Variants in TRAPPC10 observed in about 807,000 individuals in gnomAD.
TRAPPC10 encodes the protein TRAPP 130 kDa subunit.
TRAPPC10 carries 23 observed loss-of-function variants against 125.5 expected under a neutral mutation model. The ratio of observed to expected loss-of-function variants is 0.18; its 90% confidence interval spans 0.13 to 0.26. The LOEUF (loss-of-function observed/expected upper bound fraction) is 0.26, where lower values mean the gene tolerates loss of function less well. TRAPPC10 is among the 10% of genes least tolerant of loss of function. The pLI, the probability that TRAPPC10 is intolerant of heterozygous loss-of-function variation, is 1.00. For missense variants in TRAPPC10, 1,123 were observed against 1,308.4 expected (o/e 0.86, Z 2.19); for synonymous variants, 509 against 518.0 (o/e 0.98, Z 0.24).
intron 9 of TRAPPC10, among the ~76,000 whole-genome samples, chr21:44,076,043 C>T (rs1049701784): frequency 2.4e-5 from 3 of 123,372 alleles, no homozygotes; most frequent in African/African-American, 1.5e-4. Flanking sequence ...GAGCAAAACT[C>T]TGTCAAAAAA....
intron 15 of TRAPPC10, among the ~76,000 whole-genome samples, chr21:44,084,483 G>T (rs2037989123): frequency 6.6e-6 from 1 of 152,144 alleles, no homozygotes; most frequent in African/African-American, 2.4e-5. Flanking sequence ...AATAAACATG[G>T]TGTATCTGAA....
chr21:44,046,886 A>G, intron 3 of TRAPPC10: 1 of 809,178 alleles, frequency 1.2e-6, no homozygotes, highest in South Asian at 1.3e-5. Context: ...TGTGTTGTAC[A>G]CAGCGGCAGT....
At chr21:44,080,878 TA>T (rs68122014) in intron 13 of TRAPPC10, among the ~76,000 whole-genome samples, 20,565 of 148,524 alleles carry the variant, frequency 0.14, 2,449 homozygotes, top group African/African-American at 0.33. Flanking sequence ...TTTTTTTTTT[TA>T]AAATGTAACA....
intron 13 of TRAPPC10, among the ~76,000 whole-genome samples, chr21:44,081,005 C>CTTTTTTTTTTTTTTTTTTTTTTT (rs71326026): frequency 5.8e-5 from 6 of 103,886 alleles, no homozygotes; most frequent in Admixed American, 2.0e-4. Context: ...TATTATTGTT[C>CTTTTTTTTTTTTTTTTTTTTTTT]TTTTTTTTTT....
At chr21:44,017,415 T>G (rs1056073107) in intron 1 of TRAPPC10, among the ~76,000 whole-genome samples, 12 of 152,022 alleles carry the variant, frequency 7.9e-5, no homozygotes, top group Admixed American at 7.9e-4. Flanking sequence ...ATAGTCAGTG[T>G]GCAAAAAAAG....
intron 1 of TRAPPC10, among the ~76,000 whole-genome samples, chr21:44,015,717 C>T (rs1292139323): frequency 2.6e-5 from 4 of 151,680 alleles, no homozygotes; most frequent in East Asian, 3.9e-4. Context: ...CGGGTTCAGT[C>T]GATTCTCCTG....
intron 20 of TRAPPC10, among the ~76,000 whole-genome samples, chr21:44,095,543 A>G (rs1014697565): frequency 4.1e-5 from 6 of 147,086 alleles, no homozygotes; most frequent in South Asian, 2.2e-4. Context: ...CGGCTAAAGT[A>G]TGGGTTTTTT....
rs1401394528 is a variant in TRAPPC10, at chr21:44,032,179, G to T, written c.149+7G>T. ...AACCAATGGAATGGAGAAGGTATGA[G>T]TTGTGTGTTTTTTGGCTGTATCCCT... On this transcript the variant is annotated splice_region_variant and intron_variant, in intron 2 of 22. Coordinates refer to ENST00000291574, the MANE Select transcript of TRAPPC10 (RefSeq NM_003274.5). 6.2e-7 allele frequency: 1 copy of T among 1,611,072 alleles called. No individual in the cohort carries two copies. The highest frequency in any genetic ancestry group is 8.5e-7 in the Non-Finnish European group (1 of 1,178,724).
chr21:44,012,480 G>T lies in TRAPPC10; in HGVS notation c.-14G>T. ...ATGGGGCGCGGGGGGCCGGGCCGGT[G>T]ACGCCGGACGCCCATGGACGCCTCT... is the stretch of plus-strand genomic sequence containing the variant. On this transcript the variant is annotated 5_prime_UTR_variant, in exon 1 of 23. An upstream open reading frame in the 5' UTR loses its in-frame stop. Transcript: ENST00000291574. 6.8e-7 allele frequency: 1 copy of T among 1,469,086 alleles called. No individual in the cohort carries two copies. The highest frequency in any genetic ancestry group is 9.1e-7 in the Non-Finnish European group (1 of 1,101,558). The allele number at this position is 1,469,086 out of a possible 1,614,324, so 91.0% of individuals were successfully genotyped here.
chr21:44,023,325 G>A (rs58821503), intron 1 of TRAPPC10, among the ~76,000 whole-genome samples: 4,809 of 152,116 alleles, frequency 0.032, 228 homozygotes, highest in African/African-American at 0.11. Context: ...GTGAGCCACC[G>A]CGCCCGGCCT....
In TRAPPC10 at chr21:44,083,349, GC is replaced by G. The variant is rs1569211429; in HGVS notation, c.2238+49del. The G allele has an allele frequency of 3.8e-6, 6 of 1,582,370 alleles. No individual in the cohort carries two copies. In the South Asian group the frequency reaches 5.7e-5, roughly 15 times the overall value. ...TTGACTTTCAAGTTTGTAAAGCAGG[GC>G]CGTGGAGCTTACAAGAACTGTCTGG... On this transcript the variant is annotated intron_variant, in intron 14 of 22. Transcript: ENST00000291574.
Position 44,063,246 on chromosome 21 carries a change from C to G in TRAPPC10, c.791-292C>G, listed in dbSNP as rs907014446. On this transcript the variant is annotated intron_variant, in intron 6 of 22. Coordinates refer to ENST00000291574, the MANE Select transcript of TRAPPC10 (RefSeq NM_003274.5). This position sits in a 1 kb window ranked among gnomAD's most constrained non-coding sequence, Gnocchi z 4.4. ...CGGCCTGAGACAGAGCCTGAGCTCC[C>G]CTAACCATGTAGCCTGTCTGTCTCT... The G allele has an allele frequency of 8.0e-6, 10 of 1,257,492 alleles. No individual in the cohort carries two copies. The African/African-American group carries it at 1.1e-4, about 14-fold the overall frequency. The allele number at this position is 1,257,492 out of a possible 1,614,324, so 77.9% of individuals were successfully genotyped here. A position where few individuals can be genotyped will look rare whatever the true frequency, so the allele number is the denominator to read the frequency against.
At chr21:44,095,485 A>G (rs9981485) in intron 20 of TRAPPC10, among the ~76,000 whole-genome samples, 52,741 of 151,598 alleles carry the variant, frequency 0.35, 12,712 homozygotes, top group African/African-American at 0.69. Context: ...TGATCCACCT[A>G]CCTTGGCCTC....
At position 44,059,632 on chromosome 21, in the gene TRAPPC10, T is replaced by C. The variant is rs750225764; in HGVS notation, c.790+418T>C. ...TAAAATGCCCTTGGGTGTTCATCTT[T>C]CTTTTGCACTTTTAAATAATATCTT... On this transcript the variant is annotated intron_variant, in intron 6 of 22. Coordinates refer to ENST00000291574, the MANE Select transcript of TRAPPC10 (RefSeq NM_003274.5). This position sits in a 1 kb window ranked among gnomAD's most constrained non-coding sequence, Gnocchi z 4.4. 40 of 615,806 alleles carry C rather than the reference T, an allele frequency of 6.5e-5. No individual in the cohort carries two copies. The highest frequency in any genetic ancestry group is 1.1e-4 in the Non-Finnish European group (36 of 338,122). The allele number at this position is 615,806 out of a possible 1,614,324, so 38.1% of individuals were successfully genotyped here.
intron 20 of TRAPPC10, among the ~76,000 whole-genome samples, 193 bp downstream of exon 20, chr21:44,094,426 C>T (rs376058121): frequency 3.3e-5 from 5 of 152,146 alleles, no homozygotes; most frequent in Non-Finnish European, 5.9e-5. Flanking sequence ...TCAAGTGACA[C>T]ATCTGAGATG....
At chr21:44,093,852 A>G (rs2038748233) in intron 19 of TRAPPC10, among the ~76,000 whole-genome samples, 1 of 152,236 alleles carries the variant, frequency 6.6e-6, no homozygotes, top group Admixed American at 6.5e-5. Context: ...ATTTTGTACA[A>G]TCTTCTGCTG....
chr21:44,094,900 A>G (rs1049866240), intron 20 of TRAPPC10, among the ~76,000 whole-genome samples: 4 of 152,126 alleles, frequency 2.6e-5, no homozygotes, highest in South Asian at 2.1e-4. Flanking sequence ...GTTTTTTTCT[A>G]TCTTCTTCCA....
At chr21:44,068,044 T>C (rs3788101) in intron 7 of TRAPPC10, among the ~76,000 whole-genome samples, 51,113 of 150,284 alleles carry the variant, frequency 0.34, 12,290 homozygotes, top group African/African-American at 0.69. Flanking sequence ...TGCTTGAACC[T>C]GGGAGGCAGA....
At chr21:44,047,102 G>A (rs1381561435) in intron 3 of TRAPPC10, 21 of 623,300 alleles carry the variant, frequency 3.4e-5, no homozygotes, top group Non-Finnish European at 6.4e-5. Context: ...GACCCATGGC[G>A]AGATCCCACC....
Sources: gnomAD v4.1 joint callset for allele counts (sites outside exome capture counted in the v4.1 genomes callset) on GRCh38, gnomAD v4.1.1 for gene constraint, Gnocchi (gnomAD v3.1) non-coding constraint, MANE v1.5 for transcripts, NCBI Gene and HGNC (gene_info 2026-07-23, HGNC 2026-07-21) for gene names.